GRIP1: variants seen among roughly 807,000 people sequenced by gnomAD.
The protein encoded by GRIP1 is glutamate receptor-interacting protein 1.
Under a neutral mutation model 129.9 loss-of-function variants are expected in GRIP1, and 45 were observed. That is an observed-to-expected ratio of 0.35 (90% confidence interval 0.27 to 0.44). The LOEUF (loss-of-function observed/expected upper bound fraction) is 0.44, where lower values mean the gene tolerates loss of function less well. Among genes scored for constraint, GRIP1 ranks in the 20% least tolerant of loss-of-function variants. The pLI is 1.00. For synonymous variants in GRIP1, 530 were observed against 520.8 expected, an observed-to-expected ratio of 1.02 and a Z score of -0.24; for missense variants, 1,196 against 1,396.8, an observed-to-expected ratio of 0.86 and a Z score of 2.29.
chr12:66,394,408 A>C (rs1169243916), intron 16 of GRIP1, 56 bp from the exon 17 acceptor site: 1 of 1,363,792 alleles, frequency 7.3e-7, no homozygotes, highest in Non-Finnish European at 1.0e-6. Flanking sequence ...CAAAAGAGTA[A>C]GATGCATAGA....
At chr12:66,922,516 CA>C (rs2041230040) in intron 1 of GRIP1, among the ~76,000 whole-genome samples, 1 of 152,184 alleles carries the variant, frequency 6.6e-6, no homozygotes, top group Non-Finnish European at 1.5e-5. Context: ...TTGCAGACTG[CA>C]AGTATTTATG....
upstream of GRIP1, among the ~76,000 whole-genome samples, chr12:66,681,602 C>T (rs1354321080): frequency 2.0e-5 from 3 of 152,102 alleles, no homozygotes; most frequent in East Asian, 5.8e-4. Flanking sequence ...ATTATGGTGG[C>T]TCAGCTGTCT....
chr12:66,663,351 C>T (rs1156706840), intron 1 of GRIP1, among the ~76,000 whole-genome samples: 4 of 152,094 alleles, frequency 2.6e-5, no homozygotes, highest in Non-Finnish European at 5.9e-5. Context: ...TTTAACTTGC[C>T]AGGCTTCAGG....
At chr12:66,702,865 G>A (rs1340059513) in intron 1 of GRIP1, among the ~76,000 whole-genome samples, 1 of 152,116 alleles carries the variant, frequency 6.6e-6, no homozygotes, top group Non-Finnish European at 1.5e-5. Flanking sequence ...GTAATCTTGG[G>A]AAATATTATT....
In GRIP1 at chr12:66,358,080, G is replaced by A. The variant is rs146126049; in HGVS notation, c.3013-4517C>T. On this transcript the variant is annotated intron_variant, in intron 23 of 24. Transcript: ENST00000359742. The stretch of plus-strand genomic sequence containing the variant: ...GGCTAATGTTTATATTTTTAGTAGA[G>A]ATAGGGTTTTGCCACATTGGCCAGG... Among the ~76,000 whole-genome samples the A allele has an allele frequency of 5.6e-3, 857 of 152,332 alleles. 3 individuals are homozygous for A. Among genetic ancestry groups the A allele is most frequent in the Non-Finnish European group, 9.0e-3 (614 of 68,038 alleles).
chr12:66,445,264 G>T, intron 12 of GRIP1, 58 bp downstream of exon 12: 2 of 1,326,520 alleles, frequency 1.5e-6, no homozygotes, highest in Non-Finnish European at 1.1e-6. Flanking sequence ...GCCATTCAAA[G>T]ATAGCAGGTA....
chr12:67,066,909 T>C (rs375493672), intron 1 of GRIP1, among the ~76,000 whole-genome samples: 5 of 142,068 alleles, frequency 3.5e-5, no homozygotes, highest in South Asian at 2.1e-4. Flanking sequence ...TATATATATA[T>C]ATACACACAC....
Position 66,827,387 on chromosome 12 carries a change from T to TGTGTGTGTGAGAGAGAGA in GRIP1, c.59-230461_59-230460insTCTCTCTCTCACACACAC, listed in dbSNP as rs755458052. The stretch of plus-strand genomic sequence containing the variant: ...AGGTGTGTGTGTGTGTGTGTGTGTG[T>TGTGTGTGTGAGAGAGAGA]GAGAGAGAGAGAGAGAGAGAGAGAG... On this transcript the variant is annotated intron_variant, in intron 1 of 1. Coordinates refer to the GRIP1 transcript ENST00000643019. 7.6e-3 allele frequency among the ~76,000 whole-genome samples: 818 copies of TGTGTGTGTGAGAGAGAGA among 108,218 alleles called. 3 individuals carry two copies. Among genetic ancestry groups the TGTGTGTGTGAGAGAGAGA allele is most frequent in the Middle Eastern group, 9.9e-3 (2 of 202 alleles). The allele number at this position is 108,218 out of a possible 152,430, so 71.0% of individuals were successfully genotyped here. A position where few individuals can be genotyped will look rare whatever the true frequency, so the allele number is the denominator to read the frequency against.
rs995107378 is a variant in GRIP1 at position 66,412,928 on chromosome 12, C to T, written c.1839-6500G>A. ...AGCTAAGTATCCTAAATATATATGC[C>T]CCTAATACAGGAGCACCCAGATTCA... is the stretch of plus-strand genomic sequence containing the variant. On this transcript the variant is annotated intron_variant, in intron 15 of 24. Coordinates refer to ENST00000359742, the MANE Select transcript of GRIP1 (RefSeq NM_001366722.1). Among the ~76,000 whole-genome samples, 6 of 152,014 alleles carry T rather than the reference C, an allele frequency of 3.9e-5. No homozygotes were observed. The East Asian group carries it at 5.8e-4, about 15-fold the overall frequency.
intron 1 of GRIP1, among the ~76,000 whole-genome samples, chr12:66,833,767 A>G (rs1687240516): frequency 6.6e-6 from 1 of 152,206 alleles, no homozygotes; most frequent in Non-Finnish European, 1.5e-5. Context: ...TCTATCTCTT[A>G]CATTAAAAAA....
intron 14 of GRIP1, among the ~76,000 whole-genome samples, chr12:66,428,254 GT>G (rs2058046124): frequency 6.6e-6 from 1 of 152,108 alleles, no homozygotes; most frequent in Non-Finnish European, 1.5e-5. Flanking sequence ...ATCATACATG[GT>G]AAGTAAAACA....
intron 1 of GRIP1, among the ~76,000 whole-genome samples, chr12:66,723,738 A>T (rs902313892): frequency 6.6e-6 from 1 of 152,190 alleles, no homozygotes; most frequent in African/African-American, 2.4e-5. Context: ...AAACAGTATG[A>T]GATGCTTCAT....
chr12:66,816,620 T>C (rs2039223338), intron 1 of GRIP1, among the ~76,000 whole-genome samples: 1 of 152,150 alleles, frequency 6.6e-6, no homozygotes, highest in Non-Finnish European at 1.5e-5. Context: ...ACCACACTGG[T>C]ACATTTTAAG....
chr12:66,365,526 C>T (rs1212912094), intron 23 of GRIP1, among the ~76,000 whole-genome samples: 1 of 152,048 alleles, frequency 6.6e-6, no homozygotes, highest in Admixed American at 6.6e-5. Flanking sequence ...GGAAATGATA[C>T]ATTTTGAGGA....
intron 2 of GRIP1, among the ~76,000 whole-genome samples, chr12:66,559,168 A>T (rs2062432879): frequency 1.3e-5 from 2 of 151,938 alleles, no homozygotes; most frequent in South Asian, 4.1e-4. Flanking sequence ...AAAACAGGGT[A>T]TAGCAGGAAC....
intron 1 of GRIP1, among the ~76,000 whole-genome samples, chr12:67,047,339 A>G (rs1438447401): frequency 1.3e-5 from 2 of 152,200 alleles, no homozygotes; most frequent in Non-Finnish European, 2.9e-5. Context: ...GCAAAAAATA[A>G]TGTTTTTTTA....
At chr12:66,476,333 T>G (rs2059610674) in intron 7 of GRIP1, among the ~76,000 whole-genome samples, 1 of 152,178 alleles carries the variant, frequency 6.6e-6, no homozygotes, top group South Asian at 2.1e-4. Context: ...TTGAATCTCT[T>G]AACAGACCAA....
intron 1 of GRIP1, among the ~76,000 whole-genome samples, chr12:66,884,403 G>A (rs1282704253): frequency 1.3e-5 from 2 of 152,132 alleles, no homozygotes; most frequent in East Asian, 1.9e-4. Context: ...GCTAGAAAAC[G>A]AGACTATTAC....
At chr12:66,670,701 TTTAATGGCTAAC>T (rs759632787) in intron 1 of GRIP1, among the ~76,000 whole-genome samples, 30 of 152,162 alleles carry the variant, frequency 2.0e-4, no homozygotes, top group Non-Finnish European at 4.0e-4. Context: ...GTTAAAGACA[TTTAATGGCTAAC>T]TTAACTGAAG....
Sources: gnomAD v4.1 joint callset for allele counts (sites outside exome capture counted in the v4.1 genomes callset) on GRCh38, gnomAD v4.1.1 for gene constraint, MANE v1.5 for transcripts, NCBI Gene and HGNC (gene_info 2026-07-23, HGNC 2026-07-21) for gene names.